Variants in RGS3 observed in about 807,000 individuals in gnomAD.
RGS3 encodes regulator of G protein signaling 3.
A neutral mutation model predicts 132.6 loss-of-function variants in RGS3; 80 were observed. The ratio of observed to expected loss-of-function variants is 0.60; its 90% CI spans 0.50 to 0.73. RGS3 has a LOEUF of 0.73. Among genes scored for constraint, RGS3 ranks in the 30% least tolerant of loss-of-function variants. The probability of loss-of-function intolerance (pLI) is 0.00; values close to 1 mark genes in which losing one functional copy is unlikely to be tolerated. For missense variants in RGS3, 1,382 were observed against 1,530.8 expected, an observed-to-expected ratio of 0.90 and a Z score of 1.62; for synonymous variants, 598 against 620.6, an observed-to-expected ratio of 0.96 and a Z score of 0.54.
chr9:113,594,897 T>A, intron 22 of RGS3, 22 bp from the exon 21 acceptor site: 2 of 1,612,684 alleles, frequency 1.2e-6, no homozygotes, highest in Non-Finnish European at 1.7e-6. Context: ...GCCCTCACTG[T>A]GTTTCCTCCC....
At chr9:113,470,290 A>G (rs889072835) in intron 3 of RGS3, among the ~76,000 whole-genome samples, 2 of 152,204 alleles carry the variant, frequency 1.3e-5, no homozygotes, top group African/African-American at 4.8e-5. Context: ...TTGTTCAAAT[A>G]TTCCGTATCC....
intron 10 of RGS3, among the ~76,000 whole-genome samples, chr9:113,503,625 C>T (rs1564495982): frequency 6.6e-6 from 1 of 152,226 alleles, no homozygotes; most frequent in Non-Finnish European, 1.5e-5. Flanking sequence ...CCAGTTACTG[C>T]CCCATAACTG....
chr9:113,588,794 A>G (rs935081789), intron 20 of RGS3, among the ~76,000 whole-genome samples: 16 of 152,218 alleles, frequency 1.1e-4, no homozygotes, highest in Non-Finnish European at 1.9e-4. Flanking sequence ...AATCCTCACC[A>G]CAGCCCTTTG....
rs147970004 is a variant in RGS3, at chr9:113,583,795, C to G, written c.2383C>G (p.Leu795Val). The G allele has an allele frequency of 1.8e-5, 29 of 1,614,168 alleles. No homozygotes were observed. In the African/African-American group the frequency reaches 3.9e-4, roughly 22 times the overall value. ...AGAACCCCTGCCTCACCAGGACCCT[C>G]TACTCACCAAAGACCTCCCTGCCAT... Residue 795 changes from leucine to valine, a missense_variant, in exon 20 of 25, where the codon CTA (leucine) becomes GTA (valine). Transcript: ENST00000350696.
At chr9:113,515,739 A>G (rs992652441) in intron 15 of RGS3, among the ~76,000 whole-genome samples, 1 of 152,256 alleles carries the variant, frequency 6.6e-6, no homozygotes, top group Non-Finnish European at 1.5e-5. Flanking sequence ...TGCACATTAA[A>G]AAACAGACCT....
At chr9:113,514,861 G>A (rs957160059) in intron 15 of RGS3, among the ~76,000 whole-genome samples, 3 of 152,120 alleles carry the variant, frequency 2.0e-5, no homozygotes, top group Admixed American at 6.5e-5. Flanking sequence ...AAGTGAGGCC[G>A]GGATAGCCCA....
chr9:113,547,363 C>T (rs1833158132), intron 19 of RGS3, among the ~76,000 whole-genome samples: 3 of 152,196 alleles, frequency 2.0e-5, no homozygotes, highest in African/African-American at 7.2e-5. Context: ...GTCCTCATCA[C>T]AGACACCCAA....
chr9:113,507,323 C>G lies in RGS3; in HGVS notation c.1122C>G (p.Arg374=), dbSNP rs763996556. The G allele has an allele frequency of 1.2e-6, 2 of 1,613,642 alleles. No individual in the cohort carries two copies. The highest frequency in any genetic ancestry group is 2.7e-5 in the African/African-American group (2 of 74,944). Residue 374 remains arginine, a synonymous_variant, in exon 13 of 25, where the codon CGC becomes CGG. Coordinates refer to ENST00000350696, the Ensembl canonical transcript of RGS3. The surrounding 1 kb of genome is among the most constrained non-coding windows in gnomAD (Gnocchi z 5.0). ...GTGAGATCATCCTACTCGTGTGGCG[C>G]ATGGTCCCCCAGGTCAAGCCAGGAC...
rs1554779115 is a variant in RGS3 at position 113,565,909 on chromosome 9, G to GTT, written c.2038-17540_2038-17539insTT. Among the ~76,000 whole-genome samples the GTT allele has an allele frequency of 6.8e-6, 1 of 146,824 alleles. No individual in the cohort carries two copies. Among genetic ancestry groups the GTT allele is most frequent in the Non-Finnish European group, 1.5e-5 (1 of 66,394 alleles). ...TGTGTGTGTGTGTGTGTGTGTGTGT[G>GTT]TGTGTGTCTGTCTGTCTGTCTGTCT... is the stretch of plus-strand genomic sequence containing the variant. On this transcript the variant is annotated intron_variant, in intron 19 of 24. Transcript: ENST00000350696. This position sits in a 1 kb window ranked among gnomAD's most constrained non-coding sequence, Gnocchi z 5.7.
chr9:113,513,023 T>C (rs1831473822), intron 14 of RGS3, among the ~76,000 whole-genome samples: 1 of 152,046 alleles, frequency 6.6e-6, no homozygotes, highest in Non-Finnish European at 1.5e-5. Context: ...ATGGAGAAAC[T>C]GTGTCTCTAC....
exon 22 of RGS3, chr9:113,594,467 C>T (rs376894916): frequency 5.3e-5 from 85 of 1,613,752 alleles, no homozygotes; most frequent in South Asian, 1.8e-4. Context: ...GATCTTCAGA[C>T]GGCGGAATGA....
intron 19 of RGS3, among the ~76,000 whole-genome samples, chr9:113,567,994 T>A (rs146790016): frequency 1.5e-3 from 229 of 152,348 alleles, no homozygotes; most frequent in African/African-American, 5.2e-3. Context: ...GAGATGGCAG[T>A]CTCTTTGCCT....
Position 113,564,936 on chromosome 9 carries a change from C to T in RGS3, c.2038-18514C>T, listed in dbSNP as rs188955257. The T allele has an allele frequency of 1.2e-5, 12 of 995,920 alleles. No homozygotes were observed. In the East Asian group the frequency reaches 6.7e-4, roughly 55 times the overall value. The allele number at this position is 995,920 out of a possible 1,614,324, so 61.7% of individuals were successfully genotyped here. A position where few individuals can be genotyped will look rare whatever the true frequency, so the allele number is the denominator to read the frequency against. ...GGGTGTGACAGGGAAGCCTCGGTGCCTCGGTGATTGGCTTGGTCTTGCAGG... is the reference window on the plus strand; with the variant it reads ...GGGTGTGACAGGGAAGCCTCGGTGCTTCGGTGATTGGCTTGGTCTTGCAGG... On this transcript the variant is annotated intron_variant, in intron 19 of 24. Coordinates refer to ENST00000350696, the Ensembl canonical transcript of RGS3.
chr9:113,577,069 C>T (rs146992299), intron 19 of RGS3, among the ~76,000 whole-genome samples: 93 of 152,292 alleles, frequency 6.1e-4, no homozygotes, highest in African/African-American at 2.1e-3. Context: ...CTGCAACCTC[C>T]GCTTCCTGGA....
At position 113,591,378 on chromosome 9, in the gene RGS3, A is replaced by C; in HGVS notation, c.3061A>C (p.Lys1021Gln). The change falls in exon 21 of 25, where the codon AAG (lysine) becomes CAG (glutamine). Residue 1021 changes from lysine (K) to glutamine (Q), a missense_variant. Coordinates refer to ENST00000350696, the Ensembl canonical transcript of RGS3. This position sits in a 1 kb window ranked among gnomAD's most constrained non-coding sequence, Gnocchi z 4.4. ...TGGGGATGATGACGAAGCCTCCCGG[A>C]AGAGAAAGAGCAAAAACCTGTACGT... is the stretch of plus-strand genomic sequence containing the variant. The C allele has an allele frequency of 6.2e-7, 1 of 1,613,662 alleles. No homozygotes were observed. The highest frequency in any genetic ancestry group is 8.5e-7 in the Non-Finnish European group (1 of 1,179,948).
intron 10 of RGS3, among the ~76,000 whole-genome samples, chr9:113,500,922 C>T (rs1830859082): frequency 6.6e-6 from 1 of 151,978 alleles, no homozygotes; most frequent in Non-Finnish European, 1.5e-5. Context: ...ACTCCTGACC[C>T]CAAGTGATCC....
chr9:113,581,972 CCTTCT>C, intron 19 of RGS3: 5 of 964,400 alleles, frequency 5.2e-6, no homozygotes, highest in Non-Finnish European at 6.2e-6. Flanking sequence ...TGCCCAGCCA[CCTTCT>C]CTGCTCTGCA....
chr9:113,505,537 A>C lies in RGS3; in HGVS notation c.979+14A>C, dbSNP rs187981597. 6 of 1,610,886 alleles carry C rather than the reference A, an allele frequency of 3.7e-6. No individual in the cohort carries two copies. In the African/African-American group the frequency reaches 8.0e-5, roughly 21 times the overall value. ...CCGTGGATTCCGGTAAGTTATTGAC[A>C]GGGGGATGCCAACCCCACTTGCCCA... On this transcript the variant is annotated intron_variant, in intron 11 of 24. Transcript: ENST00000350696.
intron 19 of RGS3, among the ~76,000 whole-genome samples, chr9:113,538,776 T>C (rs1360324204): frequency 6.6e-6 from 1 of 152,156 alleles, no homozygotes. Context: ...ATGGAGAAGC[T>C]GTGTGCTGGA....
Sources: allele counts gnomAD v4.1 joint callset (sites outside exome capture counted in the v4.1 genomes callset), GRCh38; gene constraint gnomAD v4.1.1; non-coding constraint Gnocchi (gnomAD v3.1); transcripts MANE v1.5; gene names NCBI Gene and HGNC (gene_info 2026-07-23, HGNC 2026-07-21).